GALNT10: variants seen among roughly 807,000 people sequenced by gnomAD.
GALNT10 encodes polypeptide N-acetylgalactosaminyltransferase 10, also known as GalNAc transferase 10.
A neutral mutation model predicts 75.0 loss-of-function variants in GALNT10; 41 were observed. The observed-to-expected ratio is 0.55, with a 90% CI of 0.43 to 0.71. The LOEUF is 0.71. Ranked by LOEUF, GALNT10 falls within the 30% of genes least tolerant of loss-of-function variation. The pLI is 0.00. For missense variants in GALNT10, 727 were observed against 818.5 expected (o/e 0.89, Z 1.36); for synonymous variants, 302 against 313.0 (o/e 0.96, Z 0.37).
intron 1 of GALNT10, among the ~76,000 whole-genome samples, chr5:154,263,428 C>T (rs534889172): frequency 6.6e-5 from 10 of 152,238 alleles, no homozygotes; most frequent in African/African-American, 1.7e-4. Context: ...TCCATTTATA[C>T]GGAATATCCA....
chr5:154,232,932 C>T (rs1394840330), intron 1 of GALNT10, among the ~76,000 whole-genome samples: 3 of 152,104 alleles, frequency 2.0e-5, no homozygotes, highest in African/African-American at 7.2e-5. Flanking sequence ...GAGAATTACT[C>T]TAGAGTAGTT....
chr5:154,208,737 A>T (rs1348447533), intron 1 of GALNT10, among the ~76,000 whole-genome samples: 1 of 152,226 alleles, frequency 6.6e-6, no homozygotes, highest in East Asian at 1.9e-4. Flanking sequence ...AGTGATTTGA[A>T]CACAGGAAGT....
chr5:154,329,250 C>A (rs1051409547), intron 3 of GALNT10, among the ~76,000 whole-genome samples: 1 of 152,160 alleles, frequency 6.6e-6, no homozygotes, highest in Non-Finnish European at 1.5e-5. Context: ...GTCTATAGTT[C>A]TTATTATAAA....
At chr5:154,241,695 T>G (rs1411916199) in intron 1 of GALNT10, among the ~76,000 whole-genome samples, 1 of 152,232 alleles carries the variant, frequency 6.6e-6, no homozygotes, top group African/African-American at 2.4e-5. Flanking sequence ...ATACCAGATA[T>G]TATTCCTCTT....
chr5:154,229,572 C>CA (rs371367712), intron 1 of GALNT10, among the ~76,000 whole-genome samples: 2,753 of 144,062 alleles, frequency 0.019, 61 homozygotes, highest in African/African-American at 0.064. Context: ...ACTAAAAATA[C>CA]AAAAAAAAAA....
intron 4 of GALNT10, among the ~76,000 whole-genome samples, chr5:154,364,693 T>C (rs970434269): frequency 6.6e-6 from 1 of 152,140 alleles, no homozygotes; most frequent in Non-Finnish European, 1.5e-5. Context: ...TTTTTTCTTT[T>C]TTAATAACAC....
intron 3 of GALNT10, among the ~76,000 whole-genome samples, chr5:154,301,439 A>G (rs938034095): frequency 7.9e-5 from 12 of 152,060 alleles, no homozygotes; most frequent in Non-Finnish European, 2.9e-5. Context: ...TTTATGAGAT[A>G]CATGTGATGT....
At chr5:154,407,272 C>G (rs898195817) in intron 8 of GALNT10, among the ~76,000 whole-genome samples, 4 of 151,984 alleles carry the variant, frequency 2.6e-5, no homozygotes, top group Non-Finnish European at 5.9e-5. Flanking sequence ...ATGAGGAGCC[C>G]GAAGCCCACT....
chr5:154,406,357 C>CCT (rs1277748780), intron 8 of GALNT10: 2 of 152,330 alleles, frequency 1.3e-5, no homozygotes, highest in African/African-American at 4.8e-5. Flanking sequence ...CTGAGTGGTG[C>CCT]CTCATGGCTT....
intron 3 of GALNT10, among the ~76,000 whole-genome samples, chr5:154,300,792 G>A (rs1202487771): frequency 6.6e-6 from 1 of 152,180 alleles, no homozygotes; most frequent in Non-Finnish European, 1.5e-5. Context: ...TAATAGGGTT[G>A]GGCACAGGGT....
Position 154,191,121 on chromosome 5 carries a change from C to T in GALNT10, c.159+96C>T. On this transcript the variant is annotated intron_variant, in intron 1 of 11. Coordinates refer to ENST00000297107, the MANE Select transcript of GALNT10 (RefSeq NM_198321.4). ...CTCCACCTTCTGCTGTCTGCCTCCT[C>T]AGAGTCAGCTCCGAGACTCTTCAGC... The T allele has an allele frequency of 3.6e-6, 3 of 828,372 alleles. 1 individual carries two copies. In the South Asian group the frequency reaches 8.9e-5, roughly 25 times the overall value. 51.3% of individuals were successfully genotyped at this position (828,372 alleles called of 1,614,324 possible).
chr5:154,323,638 C>G (rs1384453990), intron 3 of GALNT10, among the ~76,000 whole-genome samples: 1 of 152,194 alleles, frequency 6.6e-6, no homozygotes, highest in African/African-American at 2.4e-5. Flanking sequence ...TCAGGGGAAC[C>G]CCTGCTCATA....
intron 4 of GALNT10, chr5:154,338,069 T>A: frequency 7.9e-7 from 1 of 1,267,050 alleles, no homozygotes; most frequent in Non-Finnish European, 1.1e-6. Flanking sequence ...ATCTCTTAGG[T>A]GATGTTCTTC....
At chr5:154,408,498 G>A (rs115037667) in intron 8 of GALNT10, among the ~76,000 whole-genome samples, 450 of 152,186 alleles carry the variant, frequency 3.0e-3, no homozygotes, top group Non-Finnish European at 3.5e-3. Context: ...CATATCAGAA[G>A]TTCTCACTGG....
intron 1 of GALNT10, among the ~76,000 whole-genome samples, chr5:154,278,731 T>C (rs890975502): frequency 6.6e-6 from 1 of 152,226 alleles, no homozygotes; most frequent in Non-Finnish European, 1.5e-5. Context: ...CTGTAACCTC[T>C]GTTCTACTTT....
intron 4 of GALNT10, among the ~76,000 whole-genome samples, chr5:154,344,086 A>G (rs993057189): frequency 4.6e-5 from 7 of 152,154 alleles, no homozygotes; most frequent in African/African-American, 1.7e-4. Context: ...TGAAGGGTTC[A>G]TCAGTGGGAT....
intron 4 of GALNT10, among the ~76,000 whole-genome samples, chr5:154,375,373 G>T (rs1755639367): frequency 6.6e-6 from 1 of 152,202 alleles, no homozygotes; most frequent in Non-Finnish European, 1.5e-5. Context: ...CCCCAAGCCT[G>T]ATTAAAATCA....
At chr5:154,405,024 A>AG (rs1439288991) in intron 8 of GALNT10, among the ~76,000 whole-genome samples, 1 of 152,212 alleles carries the variant, frequency 6.6e-6, no homozygotes, top group African/African-American at 2.4e-5. Flanking sequence ...AAAAATGAAG[A>AG]GGAGGGAGGG....
At chr5:154,296,191 A>G (rs1325808027) in intron 2 of GALNT10, among the ~76,000 whole-genome samples, 2 of 152,146 alleles carry the variant, frequency 1.3e-5, no homozygotes, top group Non-Finnish European at 2.9e-5. Context: ...GGTTCAAATG[A>G]TTCTCCTGCC....
Sources: gnomAD v4.1 joint callset for allele counts (sites outside exome capture counted in the v4.1 genomes callset) on GRCh38, gnomAD v4.1.1 for gene constraint, MANE v1.5 for transcripts, NCBI Gene and HGNC (gene_info 2026-07-23, HGNC 2026-07-21) for gene names.